The following ZBBX variants were observed in gnomAD, a reference collection of about 807,000 sequenced individuals.
ZBBX encodes zinc finger B-box domain-containing protein 1.
Under a neutral mutation model 108.5 loss-of-function variants are expected in ZBBX, and 101 were observed. That is an observed-to-expected ratio of 0.93 (90% CI 0.79 to 1.10). The LOEUF (loss-of-function observed/expected upper bound fraction) is 1.10, where lower values mean the gene tolerates loss of function less well. ZBBX is among the 50% of genes least tolerant of loss of function. The pLI is 0.00. For synonymous variants in ZBBX, 356 were observed against 323.4 expected (o/e 1.10, Z -1.08); for missense variants, 1,009 against 941.4 (o/e 1.07, Z -0.94).
chr3:167,215,214 T>C, the ZBBX span, among the ~76,000 whole-genome samples: 29 of 151,408 alleles, frequency 1.9e-4, no homozygotes, highest in Non-Finnish European at 3.7e-4. Flanking sequence ...TTTTTAAAGA[T>C]GTAAAATAGG....
chr3:167,318,938 A>T (rs1384826429), intron 12 of ZBBX, among the ~76,000 whole-genome samples: 1 of 152,018 alleles, frequency 6.6e-6, no homozygotes, highest in African/African-American at 2.4e-5. Context: ...AACAAAAGAA[A>T]AAAAAACTGA....
the ZBBX span, among the ~76,000 whole-genome samples, chr3:167,225,312 C>T: frequency 6.6e-6 from 1 of 151,876 alleles, no homozygotes; most frequent in Non-Finnish European, 1.5e-5. Flanking sequence ...ATGTATTGAG[C>T]ACTTTGCAAA....
At chr3:167,359,361 C>T (rs1378553655) in intron 8 of ZBBX, among the ~76,000 whole-genome samples, 1 of 151,928 alleles carries the variant, frequency 6.6e-6, no homozygotes, top group Non-Finnish European at 1.5e-5. Flanking sequence ...TAGAGGTGGA[C>T]ACATTAATCA....
intron 18 of ZBBX, among the ~76,000 whole-genome samples, chr3:167,296,495 C>T (rs181853408): frequency 6.6e-6 from 1 of 151,786 alleles, no homozygotes; most frequent in Non-Finnish European, 1.5e-5. Context: ...AAAGATTCCA[C>T]AAAAATATGT....
chr3:167,271,425 T>C (rs138392877), intron 20 of ZBBX, among the ~76,000 whole-genome samples: 1 of 152,304 alleles, frequency 6.6e-6, no homozygotes, highest in East Asian at 1.9e-4. Context: ...ACCCCTTGTC[T>C]TCCTCTACTG....
At position 167,399,876 on chromosome 3, in the gene ZBBX, T is replaced by C. The variant is rs556234819; in HGVS notation, c.-446+7850A>G. On this transcript the variant is annotated intron_variant, in intron 1 of 21. Transcript: ENST00000455345. Reference sequence around the variant, plus strand: ...ATTCCCCCTCCCTCCCTTTCTCCTCTAGTAGTCCTCAGCATCTACTGTTCC... The same window carrying C: ...ATTCCCCCTCCCTCCCTTTCTCCTCCAGTAGTCCTCAGCATCTACTGTTCC... 2.0e-3 allele frequency among the ~76,000 whole-genome samples: 297 copies of C among 152,196 alleles called. 1 individual carries two copies. The highest frequency in any genetic ancestry group is 3.4e-3 in the Non-Finnish European group (234 of 67,992).
intron 1 of ZBBX, chr3:167,392,683 C>G (rs1748111552): frequency 6.6e-6 from 1 of 151,682 alleles, no homozygotes; most frequent in African/African-American, 2.4e-5. Flanking sequence ...AGATGAGATG[C>G]CAGGTGCTCA....
chr3:167,369,782 A>G (rs1490975788), intron 4 of ZBBX, among the ~76,000 whole-genome samples: 1 of 152,110 alleles, frequency 6.6e-6, no homozygotes. Context: ...GTTCCTGGAG[A>G]AGGTGAAGTA....
rs1009109782 is a variant in ZBBX, at chr3:167,274,860, G to A, written c.2254+7378C>T. Among the ~76,000 whole-genome samples the A allele has an allele frequency of 7.2e-5, 11 of 152,162 alleles. No individual in the cohort carries two copies. In the South Asian group the frequency reaches 8.3e-4, roughly 11 times the overall value. ...GGAAGGACACAGAGATAGGGATCGC[G>A]TTAAGGATATAAAAACCCCCTGGTG... On this transcript the variant is annotated intron_variant, in intron 20 of 21. Transcript: ENST00000675490.
At position 167,298,293 on chromosome 3, in the gene ZBBX, C is replaced by G. The variant is rs1732019939; in HGVS notation, c.1879+12G>C. ...GAACAGACTGTTTTAGAAAAATGAG[C>G]TAGAAATTTACCTGCAAGTGTAATC... On this transcript the variant is annotated intron_variant, in intron 18 of 21. Coordinates refer to ENST00000675490, the MANE Select transcript of ZBBX (RefSeq NM_001199201.2). 2 of 1,582,336 alleles carry G rather than the reference C, an allele frequency of 1.3e-6. No individual in the cohort carries two copies. The highest frequency in any genetic ancestry group is 1.7e-6 in the Non-Finnish European group (2 of 1,166,174).
chr3:167,289,506 G>C (rs986752052), intron 18 of ZBBX, among the ~76,000 whole-genome samples: 6 of 152,198 alleles, frequency 3.9e-5, no homozygotes, highest in Admixed American at 3.3e-4. Flanking sequence ...TACCCAGGAA[G>C]GAAAGGAACT....
At chr3:167,190,712 A>C in the ZBBX span, among the ~76,000 whole-genome samples, 2 of 152,142 alleles carry the variant, frequency 1.3e-5, no homozygotes, top group Non-Finnish European at 2.9e-5. Flanking sequence ...TTGTGTGGTC[A>C]TGAGATTATC....
At chr3:167,351,610 C>A (rs781414441) in intron 8 of ZBBX, among the ~76,000 whole-genome samples, 4 of 152,136 alleles carry the variant, frequency 2.6e-5, no homozygotes, top group African/African-American at 9.7e-5. Context: ...GCCCCATAGG[C>A]CTCCACACTG....
At chr3:167,380,349 A>G (rs2108629653), upstream of ZBBX, 1 of 152,324 alleles carries the variant, frequency 6.6e-6, no homozygotes, top group South Asian at 2.1e-4. Context: ...CTCGGTACCC[A>G]TAGCAACCAG....
the ZBBX span, among the ~76,000 whole-genome samples, chr3:167,204,647 G>A: frequency 9.4e-5 from 14 of 149,468 alleles, no homozygotes; most frequent in Non-Finnish European, 1.8e-4. Flanking sequence ...ATCATTGTTG[G>A]ACATTTGGGT....
chr3:167,305,945 T>C lies in ZBBX; in HGVS notation c.1423A>G (p.Thr475Ala). The C allele has an allele frequency of 6.5e-7, 1 of 1,533,110 alleles. No homozygotes were observed. The highest frequency in any genetic ancestry group is 8.8e-7 in the Non-Finnish European group (1 of 1,142,626). The allele number at this position is 1,533,110 out of a possible 1,614,324, so 95.0% of individuals were successfully genotyped here. The change falls in exon 17 of 22, where the codon ACT becomes GCT. Residue 475 changes from threonine to alanine, a missense_variant. Thr to Ala is a moderately conservative substitution (Grantham distance 58). Transcript: ENST00000675490. ...ATGTTGTCAAAATCTGTGTTTGAAG[T>C]TTCTGCTGTTAAAAACACACAGTTA... ...TYYKDNSKAE[T>A]SNTDFDNIVD...
At chr3:167,365,860 A>T (rs373325044) in intron 6 of ZBBX, 26 bp downstream of exon 6, 21 of 1,528,096 alleles carry the variant, frequency 1.4e-5, no homozygotes, top group Non-Finnish European at 1.9e-5. Context: ...AGCAAAATGC[A>T]TAAGAATCAA....
At chr3:167,242,412 C>A (rs1653126725) in intron 21 of ZBBX, 93 bp downstream of exon 21, 2 of 1,110,218 alleles carry the variant, frequency 1.8e-6, no homozygotes, top group Non-Finnish European at 2.5e-6. Context: ...CACATGAGGA[C>A]AATCTTTCTA....
intron 20 of ZBBX, among the ~76,000 whole-genome samples, chr3:167,250,715 A>G (rs548077789): frequency 1.3e-5 from 2 of 152,160 alleles, no homozygotes; most frequent in African/African-American, 2.4e-5. Flanking sequence ...TCCATATTCT[A>G]AAGGTAGTTA....
Sources: allele counts gnomAD v4.1 joint callset (sites outside exome capture counted in the v4.1 genomes callset), GRCh38; gene constraint gnomAD v4.1.1; transcripts MANE v1.5; gene names NCBI Gene and HGNC (gene_info 2026-07-23, HGNC 2026-07-21).